Variants in PCDHGA2 observed in about 807,000 individuals in gnomAD.
The protein encoded by PCDHGA2 is protocadherin gamma-A2.
In PCDHGA2, 40 loss-of-function variants were observed where a neutral mutation model predicts 59.2. That is an observed-to-expected ratio of 0.68 (90% CI 0.52 to 0.88). The LOEUF is 0.88. Among genes scored for constraint, PCDHGA2 ranks in the 40% least tolerant of loss-of-function variants. The pLI, the probability that PCDHGA2 is intolerant of heterozygous loss-of-function variation, is 0.00. For missense variants in PCDHGA2, 1,226 were observed against 1,204.0 expected, an observed-to-expected ratio of 1.02 and a Z score of -0.27; for synonymous variants, 560 against 526.0, an observed-to-expected ratio of 1.06 and a Z score of -0.89.
At chr5:141,393,285 G>A (rs771057124) in intron 1 of PCDHGA2, 2 of 1,613,966 alleles carry the variant, frequency 1.2e-6, no homozygotes, top group Non-Finnish European at 1.7e-6. Context: ...CCCAGAAGCT[G>A]TTGACCCGGA....
intron 1 of PCDHGA2, chr5:141,394,519 C>T: frequency 6.2e-7 from 1 of 1,614,240 alleles, no homozygotes; most frequent in Non-Finnish European, 8.5e-7. Flanking sequence ...GCCCTCCCCA[C>T]AGACGGTTCC....
At position 141,373,653 on chromosome 5, in the gene PCDHGA2, A is replaced by T. The variant is rs149501628; in HGVS notation, c.2424+32258A>T. Among the ~76,000 whole-genome samples, 35 of 152,376 alleles carry T rather than the reference A, an allele frequency of 2.3e-4. No individual in the cohort carries two copies. In the East Asian group the frequency reaches 6.4e-3, roughly 28 times the overall value. On this transcript the variant is annotated intron_variant, in intron 1 of 3. Transcript: ENST00000394576. The stretch of plus-strand genomic sequence containing the variant: ...TTTCTGTTCCCCAAGGTCCTAAGAG[A>T]TATTTTCATAAAAATGAATGGTAAA...
At chr5:141,371,062 G>GGGTAA (rs757228720) in intron 1 of PCDHGA2, 2 of 1,613,974 alleles carry the variant, frequency 1.2e-6, no homozygotes, top group South Asian at 2.2e-5. Flanking sequence ...CCCTCCAGAA[G>GGGTAA]CTGTACCACC....
intron 1 of PCDHGA2, among the ~76,000 whole-genome samples, chr5:141,462,538 C>G (rs565849689): frequency 1.3e-5 from 2 of 152,102 alleles, no homozygotes; most frequent in South Asian, 2.1e-4. Context: ...GTTCAGTGAT[C>G]TTTTCTTCTT....
At chr5:141,385,118 T>C in intron 1 of PCDHGA2, 1 of 1,614,216 alleles carries the variant, frequency 6.2e-7, no homozygotes. Context: ...ACCTCGCACT[T>C]TGTGGGCATG....
In PCDHGA2 at chr5:141,400,030, C is replaced by T. The variant is rs201599536; in HGVS notation, c.2424+58635C>T. 180 of 1,613,050 alleles carry T rather than the reference C, an allele frequency of 1.1e-4. No individual in the cohort carries two copies. Among genetic ancestry groups the T allele is most frequent in the East Asian group, 1.6e-4 (7 of 44,886 alleles). On this transcript the variant is annotated intron_variant, in intron 1 of 3. Coordinates refer to ENST00000394576, the MANE Select transcript of PCDHGA2 (RefSeq NM_018915.4). Reference sequence around the variant, plus strand: ...TGCCTTGGGCGACAGGGACGCGGCCCGCCAGCGCCTGCTGGTTGCTGTGCG... The same window carrying T: ...TGCCTTGGGCGACAGGGACGCGGCCTGCCAGCGCCTGCTGGTTGCTGTGCG...
chr5:141,412,301 T>C (rs925243467), intron 1 of PCDHGA2: 3 of 152,260 alleles, frequency 2.0e-5, no homozygotes, highest in Non-Finnish European at 2.9e-5. Context: ...TCTTTTCTCA[T>C]TACAATGCAA....
chr5:141,469,697 T>G (rs2154570403), intron 1 of PCDHGA2, among the ~76,000 whole-genome samples: 1 of 152,392 alleles, frequency 6.6e-6, no homozygotes, highest in African/African-American at 2.4e-5. Context: ...TCCTATGACC[T>G]AGTAATCACA....
chr5:141,399,320 A>G, intron 1 of PCDHGA2: 3 of 1,614,010 alleles, frequency 1.9e-6, no homozygotes, highest in Non-Finnish European at 2.5e-6. Context: ...AAAAATTCGT[A>G]TAAGTTGGTA....
intron 1 of PCDHGA2, among the ~76,000 whole-genome samples, chr5:141,456,187 A>G (rs989106132): frequency 3.9e-5 from 6 of 152,084 alleles, no homozygotes; most frequent in African/African-American, 1.4e-4. Flanking sequence ...TAATTTCTTA[A>G]TAACTCCTAC....
intron 1 of PCDHGA2, chr5:141,357,289 G>T: frequency 6.2e-7 from 1 of 1,613,960 alleles, no homozygotes; most frequent in Middle Eastern, 1.6e-4. Flanking sequence ...CGTGGTGGCA[G>T]TGGCCGCTGT....
In PCDHGA2 at chr5:141,356,290, A is replaced by G. The variant is rs367807303; in HGVS notation, c.2424+14895A>G. 8 of 1,555,814 alleles carry G rather than the reference A, an allele frequency of 5.1e-6. No individual in the cohort carries two copies. The highest frequency in any genetic ancestry group is 6.1e-6 in the Non-Finnish European group (7 of 1,149,116). On this transcript the variant is annotated intron_variant, in intron 1 of 3. Coordinates refer to ENST00000394576, the MANE Select transcript of PCDHGA2 (RefSeq NM_018915.4). Reference sequence around the variant, plus strand: ...AGTCCAGGAATCTTCTTCCCCGGGTACAGTAATTGCACTTTTCAACGTGCA... The same window carrying G: ...AGTCCAGGAATCTTCTTCCCCGGGTGCAGTAATTGCACTTTTCAACGTGCA...
At chr5:141,420,403 G>T in intron 1 of PCDHGA2, 3 of 1,246,014 alleles carry the variant, frequency 2.4e-6, no homozygotes, top group East Asian at 2.8e-5. Context: ...TCAAATTTAT[G>T]GTTATCATTA....
At chr5:141,454,019 A>G (rs905033407) in intron 1 of PCDHGA2, among the ~76,000 whole-genome samples, 1 of 152,262 alleles carries the variant, frequency 6.6e-6, no homozygotes, top group African/African-American at 2.4e-5. Flanking sequence ...AGAAAAATGT[A>G]TTAAGAATTG....
In PCDHGA2 at chr5:141,476,529, A is replaced by G. The variant is rs752442904; in HGVS notation, c.2425-18278A>G. On this transcript the variant is annotated intron_variant, in intron 1 of 3. Coordinates refer to ENST00000394576, the MANE Select transcript of PCDHGA2 (RefSeq NM_018915.4). The surrounding 1 kb of genome is among the most constrained non-coding windows in gnomAD (Gnocchi z 7.6). ...GACAACAATCCTGCTTTCCCTACCCAGGAAATGAAATTGGAGATTAGCGAG... is the reference window on the plus strand; with the variant it reads ...GACAACAATCCTGCTTTCCCTACCCGGGAAATGAAATTGGAGATTAGCGAG... 2.8e-5 allele frequency: 46 copies of G among 1,614,198 alleles called. No individual in the cohort carries two copies. Among genetic ancestry groups the G allele is most frequent in the Non-Finnish European group, 3.8e-5 (45 of 1,180,044 alleles).
In PCDHGA2 at chr5:141,505,574, CCT is replaced by C. The variant is rs562555098; in HGVS notation, c.2572+94_2572+95del. 5.3e-5 allele frequency: 85 copies of C among 1,593,636 alleles called. No individual in the cohort carries two copies. The African/African-American group carries it at 1.0e-3, about 20-fold the overall frequency. On this transcript the variant is annotated intron_variant, in intron 3 of 3. Coordinates refer to ENST00000394576, the MANE Select transcript of PCDHGA2 (RefSeq NM_018915.4). ...CCATGCCCACGGACTGGATGTCAAACCTGTGTAGTTTCTCCAGATCTTTCGGC... is the reference window on the plus strand; with the variant it reads ...CCATGCCCACGGACTGGATGTCAAACGTGTAGTTTCTCCAGATCTTTCGGC...
At position 141,432,942 on chromosome 5, in the gene PCDHGA2, C is replaced by G. The variant is rs1346694514; in HGVS notation, c.2425-61865C>G. ...CACAAGTCACGCCTGCTGCAGGCTT[C>G]AGGAGGCGGCTTGACAGGAGCGCCG... On this transcript the variant is annotated intron_variant, in intron 1 of 3. Coordinates refer to ENST00000394576, the MANE Select transcript of PCDHGA2 (RefSeq NM_018915.4). The surrounding 1 kb of genome is among the most constrained non-coding windows in gnomAD (Gnocchi z 6.0). The G allele has an allele frequency of 1.2e-6, 2 of 1,614,190 alleles. No individual in the cohort carries two copies. Among genetic ancestry groups the G allele is most frequent in the Non-Finnish European group, 1.7e-6 (2 of 1,180,036 alleles).
chr5:141,356,454 T>C, intron 1 of PCDHGA2: 1 of 1,613,414 alleles, frequency 6.2e-7, no homozygotes, highest in Non-Finnish European at 8.5e-7. Context: ...TCTCAGAATA[T>C]AACATCACTG....
In PCDHGA2 at chr5:141,372,412, C is replaced by T. The variant is rs776836110; in HGVS notation, c.2424+31017C>T. On this transcript the variant is annotated intron_variant, in intron 1 of 3. Coordinates refer to ENST00000394576, the MANE Select transcript of PCDHGA2 (RefSeq NM_018915.4). ...GCAGATAGCTTGCAAGAGATACAAC[C>T]TGACCTTAGCGACCGCCCCACTCCC... is the stretch of plus-strand genomic sequence containing the variant. 3.7e-6 allele frequency: 6 copies of T among 1,613,964 alleles called. No homozygotes were observed. Among genetic ancestry groups the T allele is most frequent in the Non-Finnish European group, 5.1e-6 (6 of 1,179,912 alleles).
Sources: allele counts gnomAD v4.1 joint callset (sites outside exome capture counted in the v4.1 genomes callset), GRCh38; gene constraint gnomAD v4.1.1; non-coding constraint Gnocchi (gnomAD v3.1); transcripts MANE v1.5; gene names NCBI Gene and HGNC (gene_info 2026-07-23, HGNC 2026-07-21).